GRB14: variants seen among roughly 807,000 people sequenced by gnomAD.
The protein encoded by GRB14 is growth factor receptor bound protein 14.
In GRB14, 38 loss-of-function variants were observed where a neutral mutation model predicts 69.1. The ratio of observed to expected loss-of-function variants is 0.55; its 90% CI spans 0.42 to 0.72. The LOEUF (loss-of-function observed/expected upper bound fraction) is 0.72, where lower values mean the gene tolerates loss of function less well. Among genes scored for constraint, GRB14 ranks in the 30% least tolerant of loss-of-function variants. The pLI is 0.00. For synonymous variants in GRB14, 247 were observed against 241.3 expected (o/e 1.02, Z -0.22); for missense variants, 666 against 666.1 (o/e 1.00, Z 0.00).
Position 164,578,659 on chromosome 2 carries a change from G to A in GRB14, c.325-30843C>T, listed in dbSNP as rs1283125928. ...GAGTTGGACAAAAATGTAAATGACT[G>A]ATAAAGCCAAAGGCTGGTACAAGTG... On this transcript the variant is annotated intron_variant, in intron 2 of 13. Coordinates refer to ENST00000263915, the MANE Select transcript of GRB14 (RefSeq NM_004490.3). Among the ~76,000 whole-genome samples the A allele has an allele frequency of 5.3e-5, 8 of 152,144 alleles. No homozygotes were observed. The South Asian group carries it at 1.5e-3, about 28-fold the overall frequency.
chr2:164,516,472 G>A (rs1479128771), intron 6 of GRB14, among the ~76,000 whole-genome samples: 1 of 151,324 alleles, frequency 6.6e-6, no homozygotes, highest in African/African-American at 2.4e-5. Context: ...TGGCAACAGA[G>A]GGATACTCAA....
chr2:164,611,443 G>A (rs1355037624), intron 2 of GRB14, among the ~76,000 whole-genome samples: 1 of 151,950 alleles, frequency 6.6e-6, no homozygotes, highest in Non-Finnish European at 1.5e-5. Context: ...ACAGAAAGTG[G>A]ACTCCTTAAA....
chr2:164,555,315 CTGGAA>C (rs1489693868), intron 2 of GRB14, among the ~76,000 whole-genome samples: 1 of 152,182 alleles, frequency 6.6e-6, no homozygotes, highest in South Asian at 2.1e-4. Flanking sequence ...TCTGCCATGA[CTGGAA>C]AGTCATTAAT....
At chr2:164,516,097 G>T (rs898336479) in intron 6 of GRB14, among the ~76,000 whole-genome samples, 1 of 151,934 alleles carries the variant, frequency 6.6e-6, no homozygotes, top group Non-Finnish European at 1.5e-5. Flanking sequence ...AGAAGAACTG[G>T]TGTTCCCGAG....
At chr2:164,514,922 G>T (rs1489149339) in intron 6 of GRB14, among the ~76,000 whole-genome samples, 1 of 152,134 alleles carries the variant, frequency 6.6e-6, no homozygotes, top group East Asian at 1.9e-4. Context: ...GCTGCGTGAG[G>T]CCTGTAACTG....
chr2:164,617,959 T>TGGGGGGG (rs68125620), intron 2 of GRB14, among the ~76,000 whole-genome samples: 1 of 77,064 alleles, frequency 1.3e-5, no homozygotes, highest in Non-Finnish European at 2.8e-5. Context: ...ATCTTTTTTT[T>TGGGGGGG]GGGGGGGGGG....
chr2:164,512,128 C>T (rs1687355453), intron 6 of GRB14, among the ~76,000 whole-genome samples: 1 of 152,104 alleles, frequency 6.6e-6, no homozygotes, highest in Non-Finnish European at 1.5e-5. Flanking sequence ...AATGGAACAA[C>T]AGGTAGATTT....
At chr2:164,599,359 T>C (rs1221507167) in intron 2 of GRB14, among the ~76,000 whole-genome samples, 1 of 152,188 alleles carries the variant, frequency 6.6e-6, no homozygotes, top group African/African-American at 2.4e-5. Flanking sequence ...ATAGATTTCC[T>C]CTCTCAATGA....
At chr2:164,571,414 T>C (rs1478211601) in intron 2 of GRB14, among the ~76,000 whole-genome samples, 1 of 152,208 alleles carries the variant, frequency 6.6e-6, no homozygotes, top group Non-Finnish European at 1.5e-5. Context: ...TGGTCTTTTA[T>C]CTCCAAAAAC....
chr2:164,556,878 G>A (rs1324559085), intron 2 of GRB14, among the ~76,000 whole-genome samples: 1 of 152,136 alleles, frequency 6.6e-6, no homozygotes, highest in Non-Finnish European at 1.5e-5. Flanking sequence ...CAGTCAAAAC[G>A]ATTCCTTCAG....
At chr2:164,517,129 G>T (rs1687512537) in intron 6 of GRB14, among the ~76,000 whole-genome samples, 1 of 152,074 alleles carries the variant, frequency 6.6e-6, no homozygotes, top group Non-Finnish European at 1.5e-5. Context: ...TCATGGCTGG[G>T]GAGGCCTCAC....
chr2:164,570,105 C>T (rs961500166), intron 2 of GRB14, among the ~76,000 whole-genome samples: 2 of 151,550 alleles, frequency 1.3e-5, no homozygotes, highest in African/African-American at 4.8e-5. Flanking sequence ...GAAACCCTGC[C>T]TCTACTAAAA....
At chr2:164,518,851 A>G (rs966614659) in intron 6 of GRB14, among the ~76,000 whole-genome samples, 1 of 152,014 alleles carries the variant, frequency 6.6e-6, no homozygotes, top group East Asian at 1.9e-4. Flanking sequence ...ACCAATAACA[A>G]GCAGTGAGAT....
At chr2:164,505,079 C>A (rs1049577004) in intron 8 of GRB14, among the ~76,000 whole-genome samples, 14 of 152,194 alleles carry the variant, frequency 9.2e-5, no homozygotes, top group African/African-American at 2.7e-4. Flanking sequence ...TGACTTAATC[C>A]AGTAAGACTC....
chr2:164,502,614 G>A (rs1574246388), intron 8 of GRB14, among the ~76,000 whole-genome samples: 1 of 151,248 alleles, frequency 6.6e-6, no homozygotes, highest in East Asian at 2.0e-4. Flanking sequence ...GCACCAAATT[G>A]TACCACAACT....
intron 2 of GRB14, among the ~76,000 whole-genome samples, chr2:164,607,394 C>T (rs1048982960): frequency 6.6e-6 from 1 of 152,142 alleles, no homozygotes; most frequent in African/African-American, 2.4e-5. Flanking sequence ...ACAAATAGTT[C>T]CTGTCTTCAC....
intron 6 of GRB14, among the ~76,000 whole-genome samples, chr2:164,516,654 A>G (rs1687496086): frequency 6.6e-6 from 1 of 152,192 alleles, no homozygotes; most frequent in Admixed American, 6.5e-5. Context: ...CAGACAAACA[A>G]GTGCTGAAAA....
rs1247637276 is a variant in GRB14, at chr2:164,502,323, G to C, written c.1036C>G (p.Leu346Val). ...AIRLLKYGMQ[L>V]YQNYMHPYQG... Reference sequence around the variant, plus strand: ...TATGGATGCATATAATTCTGGTACAGCTGCATGCCATACTGCAGAATAAAT... The same window carrying C: ...TATGGATGCATATAATTCTGGTACACCTGCATGCCATACTGCAGAATAAAT... Residue 346 changes from leucine to valine, a missense_variant, in exon 9 of 14, where the codon CTG becomes GTG. Transcript: ENST00000263915. 1 of 1,577,494 alleles carries C rather than the reference G, an allele frequency of 6.3e-7. No individual in the cohort carries two copies. The highest frequency in any genetic ancestry group is 1.1e-5 in the South Asian group (1 of 89,864).
intron 2 of GRB14, among the ~76,000 whole-genome samples, chr2:164,557,941 C>T (rs903964178): frequency 6.6e-6 from 1 of 152,016 alleles, no homozygotes. Context: ...ATTAATTTCC[C>T]ATCCAGCAAC....
Sources: allele counts gnomAD v4.1 joint callset (sites outside exome capture counted in the v4.1 genomes callset), GRCh38; gene constraint gnomAD v4.1.1; transcripts MANE v1.5; gene names NCBI Gene and HGNC (gene_info 2026-07-23, HGNC 2026-07-21).